TENM4: variants seen among roughly 807,000 people sequenced by gnomAD.
The protein encoded by TENM4 is teneurin transmembrane protein 4.
Under a neutral mutation model 243.3 loss-of-function variants are expected in TENM4, and 82 were observed. The ratio of observed to expected loss-of-function variants is 0.34; its 90% confidence interval spans 0.28 to 0.40. The LOEUF (loss-of-function observed/expected upper bound fraction) is 0.40, where lower values mean the gene tolerates loss of function less well. Among genes scored for constraint, TENM4 ranks in the 10% least tolerant of loss-of-function variants. The pLI is 1.00. For synonymous variants in TENM4, 1,412 were observed against 1,456.3 expected (o/e 0.97, Z 0.69); for missense variants, 3,138 against 3,673.3 (o/e 0.85, Z 3.77).
intron 6 of TENM4, among the ~76,000 whole-genome samples, chr11:79,026,474 G>C (rs1017758960): frequency 2.0e-5 from 3 of 152,158 alleles, no homozygotes; most frequent in African/African-American, 7.2e-5. Context: ...TCTACCAAAG[G>C]CATCTGGTAG....
intron 6 of TENM4, among the ~76,000 whole-genome samples, chr11:78,944,292 TG>T (rs1486986535): frequency 6.6e-6 from 1 of 152,084 alleles, no homozygotes; most frequent in Non-Finnish European, 1.5e-5. Context: ...AACCTGATTC[TG>T]GTCCACACTT....
At position 79,137,795 on chromosome 11, in the gene TENM4, C is replaced by T. The variant is rs139135493; in HGVS notation, c.-66+10915G>A. ...ATAGCATTTGGGTTGGGGATTGGTG[C>T]GTCTCCAGTTGTATGAAGGATTGTT... On this transcript the variant is annotated intron_variant, in intron 4 of 33. Coordinates refer to ENST00000278550, the MANE Select transcript of TENM4 (RefSeq NM_001098816.3). Among the ~76,000 whole-genome samples the T allele has an allele frequency of 3.0e-3, 455 of 152,068 alleles. 3 individuals carry two copies. Among genetic ancestry groups the T allele is most frequent in the African/African-American group, 0.01 (433 of 41,460 alleles).
At chr11:79,212,955 C>T (rs1350346699) in intron 3 of TENM4, among the ~76,000 whole-genome samples, 11 of 152,168 alleles carry the variant, frequency 7.2e-5, no homozygotes, top group East Asian at 1.9e-4. Flanking sequence ...TTCTGGTCCA[C>T]TGGGCTCGAG....
chr11:78,670,108 G>C lies in TENM4; in HGVS notation c.6237C>G (p.Ala2079=). 1.2e-6 allele frequency: 2 copies of C among 1,613,930 alleles called. No homozygotes were observed. The highest frequency in any genetic ancestry group is 1.7e-6 in the Non-Finnish European group (2 of 1,179,886). The change falls in exon 32 of 34, where the codon GCC becomes GCG. Residue 2079 remains alanine (A), a synonymous_variant. Transcript: ENST00000278550. Reference sequence around the variant, plus strand: ...TGTTGTCATAGTTGTAGTCAAAACGGGCGTTGACCATGCCTTCCTCAGTGA... The same window carrying C: ...TGTTGTCATAGTTGTAGTCAAAACGCGCGTTGACCATGCCTTCCTCAGTGA... The part of the protein sequence containing the change: ...FRFTEEGMVN[A]RFDYNYDNSF...
At chr11:79,302,933 G>A (rs939014860) in intron 1 of TENM4, among the ~76,000 whole-genome samples, 1 of 152,208 alleles carries the variant, frequency 6.6e-6, no homozygotes, top group Non-Finnish European at 1.5e-5. Context: ...TAACATACTA[G>A]TTCAAGGAGT....
At chr11:79,373,202 A>G (rs1422493771) in intron 1 of TENM4, among the ~76,000 whole-genome samples, 1 of 152,192 alleles carries the variant, frequency 6.6e-6, no homozygotes, top group Admixed American at 6.5e-5. Flanking sequence ...GGATGGATGG[A>G]TAGATGCATG....
chr11:79,260,131 G>T (rs1262797869), intron 2 of TENM4, among the ~76,000 whole-genome samples: 2 of 152,214 alleles, frequency 1.3e-5, no homozygotes, highest in Admixed American at 1.3e-4. Context: ...TGTGAGAATA[G>T]ATATTGTTGT....
chr11:78,745,937 T>G (rs953688215), intron 19 of TENM4, among the ~76,000 whole-genome samples: 1 of 152,194 alleles, frequency 6.6e-6, no homozygotes, highest in Non-Finnish European at 1.5e-5. Flanking sequence ...CCCAAACCAG[T>G]AAAACTTGAT....
At chr11:78,985,715 G>A (rs1296507435) in intron 6 of TENM4, among the ~76,000 whole-genome samples, 1 of 152,054 alleles carries the variant, frequency 6.6e-6, no homozygotes, top group African/African-American at 2.4e-5. Flanking sequence ...CTTTGACATA[G>A]CTTTGTTTTT....
chr11:78,903,566 T>TG (rs896686132), intron 6 of TENM4, 43 bp from the exon 7 acceptor site: 21 of 1,539,818 alleles, frequency 1.4e-5, no homozygotes, highest in African/African-American at 2.7e-5. Context: ...AGCTTGGTGC[T>TG]GCCCCTCGGC....
At chr11:78,912,056 G>T (rs1417905926) in intron 6 of TENM4, among the ~76,000 whole-genome samples, 1 of 152,172 alleles carries the variant, frequency 6.6e-6, no homozygotes, top group African/African-American at 2.4e-5. Context: ...GAGCAAGAGG[G>T]CATTCTAGGT....
At chr11:79,009,837 G>C (rs638635) in intron 6 of TENM4, among the ~76,000 whole-genome samples, 3 of 152,050 alleles carry the variant, frequency 2.0e-5, no homozygotes, top group Non-Finnish European at 2.9e-5. Flanking sequence ...GTTTGGCTCT[G>C]TGTCCCCACC....
At chr11:79,160,108 T>TTCCTCCCTATTCCCCAGTGCAGCA in intron 3 of TENM4, among the ~76,000 whole-genome samples, 1 of 152,162 alleles carries the variant, frequency 6.6e-6, no homozygotes, top group Admixed American at 6.5e-5. Flanking sequence ...CCTACTCTCC[T>TTCCTCCCTATTCCCCAGTGCAGCA]TCCTCCCTAT....
intron 28 of TENM4, among the ~76,000 whole-genome samples, chr11:78,693,766 C>A (rs548543630): frequency 6.6e-6 from 1 of 152,330 alleles, no homozygotes; most frequent in East Asian, 1.9e-4. Flanking sequence ...GTAATCCCAG[C>A]ACTTTGGGAG....
At chr11:78,702,527 T>A in intron 27 of TENM4, 124 bp from the exon 28 acceptor site, 9 of 1,149,598 alleles carry the variant, frequency 7.8e-6, no homozygotes, top group Non-Finnish European at 1.1e-5. Context: ...TTGATCCTCA[T>A]GCAGCCTATC....
Position 78,927,919 on chromosome 11 carries a change from C to G in TENM4, c.494-24396G>C, listed in dbSNP as rs1008525703. On this transcript the variant is annotated intron_variant, in intron 6 of 33. Coordinates refer to ENST00000278550, the MANE Select transcript of TENM4 (RefSeq NM_001098816.3). ...AATCCTTGGTGATAGCCACAGCTTC[C>G]ATTTCAAACTTCCCGACAGCCCAAG... Among the ~76,000 whole-genome samples the G allele has an allele frequency of 5.4e-4, 82 of 152,044 alleles. 1 individual carries two copies. Among genetic ancestry groups the G allele is most frequent in the Non-Finnish European group, 4.6e-4 (31 of 68,010 alleles).
intron 9 of TENM4, among the ~76,000 whole-genome samples, chr11:78,872,866 C>A (rs1304080039): frequency 1.3e-5 from 2 of 152,194 alleles, no homozygotes; most frequent in Middle Eastern, 6.8e-3. Flanking sequence ...AGGAGGTGGT[C>A]CCCACTGTAC....
intron 1 of TENM4, among the ~76,000 whole-genome samples, chr11:79,315,716 T>C (rs771946361): frequency 3.3e-5 from 5 of 152,216 alleles, no homozygotes; most frequent in South Asian, 4.1e-4. Context: ...AAGTCCAAGA[T>C]GCACTGCTCA....
intron 1 of TENM4, among the ~76,000 whole-genome samples, chr11:79,298,610 C>T (rs1856498618): frequency 1.3e-5 from 2 of 150,438 alleles, no homozygotes; most frequent in Admixed American, 1.3e-4. Context: ...AAAAGCAAGG[C>T]TAAGGAAAAG....
Sources: gnomAD v4.1 joint callset for allele counts (sites outside exome capture counted in the v4.1 genomes callset) on GRCh38, gnomAD v4.1.1 for gene constraint, MANE v1.5 for transcripts, NCBI Gene and HGNC (gene_info 2026-07-23, HGNC 2026-07-21) for gene names.